The following ERC2 variants were observed in gnomAD, a reference collection of about 807,000 sequenced individuals.
The protein encoded by ERC2 is ELKS/RAB6-interacting/CAST family member 2, also known as ERC protein 2.
In ERC2, 42 loss-of-function variants were observed where a neutral mutation model predicts 114.8. The observed-to-expected ratio is 0.37, with a 90% confidence interval of 0.29 to 0.47. The LOEUF (loss-of-function observed/expected upper bound fraction) is 0.47. ERC2 is among the 20% of genes least tolerant of loss of function. The pLI, the probability that ERC2 is intolerant of heterozygous loss-of-function variation, is 0.99. For missense variants in ERC2, 939 were observed against 1,150.7 expected, an observed-to-expected ratio of 0.82 and a Z score of 2.66; for synonymous variants, 454 against 425.5, an observed-to-expected ratio of 1.07 and a Z score of -0.82.
rs562145734 is a variant in ERC2, at chr3:55,615,190, T to C, written c.*39+68604A>G. 1.4e-3 allele frequency among the ~76,000 whole-genome samples: 212 copies of C among 152,338 alleles called. 2 individuals carry two copies. The highest frequency in any genetic ancestry group is 2.5e-3 in the South Asian group (12 of 4,832). On this transcript the variant is annotated intron_variant, in intron 17 of 17. Transcript: ENST00000288221. ...TTGTCATAGGATACCAGCTGCCTGC[T>C]GGGAAAAGCATACTGGGAAGTACTG...
intron 3 of ERC2, among the ~76,000 whole-genome samples, chr3:56,273,908 T>C (rs1310035633): frequency 6.7e-6 from 1 of 148,882 alleles, no homozygotes; most frequent in African/African-American, 2.5e-5. Context: ...CCCTCTAGAG[T>C]TGTGCAGTGC....
chr3:56,090,473 G>A (rs9827123), intron 6 of ERC2, among the ~76,000 whole-genome samples: 7 of 152,160 alleles, frequency 4.6e-5, no homozygotes, highest in Admixed American at 2.0e-4. Flanking sequence ...TGAAACATAC[G>A]GTTGTAAGGT....
chr3:56,318,347 T>C (rs983342970), intron 2 of ERC2, among the ~76,000 whole-genome samples: 2 of 152,126 alleles, frequency 1.3e-5, no homozygotes, highest in Admixed American at 1.3e-4. Context: ...AGCTAATTTT[T>C]GTATTTTTTT....
At chr3:56,043,132 A>G (rs891865641) in intron 7 of ERC2, among the ~76,000 whole-genome samples, 20 of 152,218 alleles carry the variant, frequency 1.3e-4, no homozygotes, top group African/African-American at 4.6e-4. Flanking sequence ...AATATAGTGT[A>G]AAGTCATTTC....
intron 2 of ERC2, among the ~76,000 whole-genome samples, chr3:56,381,061 A>G (rs898607021): frequency 1.3e-5 from 2 of 152,216 alleles, no homozygotes; most frequent in African/African-American, 4.8e-5. Context: ...AGCACAACTG[A>G]TTAATAAGGA....
chr3:56,458,161 CCT>C (rs972861994), intron 1 of ERC2, among the ~76,000 whole-genome samples: 1 of 152,210 alleles, frequency 6.6e-6, no homozygotes, highest in African/African-American at 2.4e-5. Context: ...ACCAGCCACT[CCT>C]GTTTTCCAGG....
At chr3:55,749,385 C>A (rs1159262706) in intron 14 of ERC2, among the ~76,000 whole-genome samples, 3 of 152,170 alleles carry the variant, frequency 2.0e-5, no homozygotes, top group East Asian at 3.9e-4. Context: ...GGACATAAGG[C>A]AGGGGTCAAG....
intron 14 of ERC2, among the ~76,000 whole-genome samples, chr3:55,794,593 C>A (rs2070325614): frequency 6.6e-6 from 1 of 152,098 alleles, no homozygotes; most frequent in African/African-American, 2.4e-5. Context: ...TATGCTTTTT[C>A]TTGGTACAAA....
intron 17 of ERC2, among the ~76,000 whole-genome samples, chr3:55,547,739 A>G (rs1320953606): frequency 2.0e-5 from 3 of 152,166 alleles, no homozygotes; most frequent in Admixed American, 2.0e-4. Context: ...AAATATAGGG[A>G]ATGAAGCTTG....
chr3:55,540,850 C>T (rs990630932), intron 17 of ERC2, among the ~76,000 whole-genome samples: 2 of 152,226 alleles, frequency 1.3e-5, no homozygotes, highest in Non-Finnish European at 2.9e-5. Flanking sequence ...TATGCCATTT[C>T]TGGGAGGCAC....
At chr3:56,416,300 C>A (rs989003046) in intron 2 of ERC2, among the ~76,000 whole-genome samples, 1 of 152,108 alleles carries the variant, frequency 6.6e-6, no homozygotes, top group African/African-American at 2.4e-5. Flanking sequence ...TCACCTCCTG[C>A]CCAAAGCTGA....
intron 2 of ERC2, among the ~76,000 whole-genome samples, chr3:56,428,743 A>G (rs1254424741): frequency 2.6e-5 from 4 of 152,214 alleles, no homozygotes; most frequent in Admixed American, 2.6e-4. Context: ...TTTAGAGTAG[A>G]TTCTTTCCTA....
intron 12 of ERC2, among the ~76,000 whole-genome samples, chr3:55,979,905 T>C (rs2069934453): frequency 1.3e-5 from 2 of 151,808 alleles, no homozygotes. Context: ...ATCACACCAC[T>C]GTACTCCAGT....
intron 14 of ERC2, among the ~76,000 whole-genome samples, chr3:55,737,307 G>A (rs1340384334): frequency 3.9e-5 from 6 of 152,206 alleles, no homozygotes; most frequent in African/African-American, 1.4e-4. Context: ...AAGAAAAGCA[G>A]TGCAGGCTGG....
In ERC2 at chr3:55,540,285, G is replaced by T. The variant is rs183536589; in HGVS notation, c.*40-29009C>A. On this transcript the variant is annotated intron_variant, in intron 17 of 17. Transcript: ENST00000288221. ...TTAAGGGAGAAAACAGAATGCACTT[G>T]GGGAACTGGGGAGCAAGTTCATCAG... Among the ~76,000 whole-genome samples the T allele has an allele frequency of 1.6e-4, 24 of 152,290 alleles. No individual in the cohort carries two copies. In the East Asian group the frequency reaches 2.3e-3, roughly 15 times the overall value.
At chr3:55,519,674 C>A (rs1228216160) in intron 17 of ERC2, among the ~76,000 whole-genome samples, 1 of 152,112 alleles carries the variant, frequency 6.6e-6, no homozygotes, top group East Asian at 1.9e-4. Context: ...ATTATCTAGG[C>A]TGCCCTTGAA....
intron 17 of ERC2, among the ~76,000 whole-genome samples, chr3:55,674,580 T>C (rs1330151971): frequency 6.6e-6 from 1 of 152,174 alleles, no homozygotes; most frequent in Admixed American, 6.5e-5. Flanking sequence ...CGATTATTAT[T>C]TCAGGGCCTC....
intron 2 of ERC2, among the ~76,000 whole-genome samples, chr3:56,308,444 CA>C (rs1462020260): frequency 6.6e-6 from 1 of 152,144 alleles, no homozygotes; most frequent in Non-Finnish European, 1.5e-5. Flanking sequence ...GAGTGACTTC[CA>C]ATAGCTACTG....
At chr3:55,823,063 T>C (rs904375831) in intron 14 of ERC2, among the ~76,000 whole-genome samples, 5 of 152,346 alleles carry the variant, frequency 3.3e-5, no homozygotes, top group Non-Finnish European at 7.3e-5. Flanking sequence ...TTCATTTCTA[T>C]TTTAAAAGAC....
Sources: allele counts gnomAD v4.1 joint callset (sites outside exome capture counted in the v4.1 genomes callset), GRCh38; gene constraint gnomAD v4.1.1; transcripts MANE v1.5; gene names NCBI Gene and HGNC (gene_info 2026-07-23, HGNC 2026-07-21).